STK33: variants seen among roughly 807,000 people sequenced by gnomAD.
STK33 encodes the protein serine/threonine kinase 33, also known as serine/threonine-protein kinase 33.
STK33 carries 52 observed loss-of-function variants against 58.0 expected under a neutral mutation model. The ratio of observed to expected loss-of-function variants is 0.90; its 90% confidence interval spans 0.72 to 1.13. STK33 has a LOEUF of 1.13. Among genes scored for constraint, STK33 ranks in the 50% most tolerant of loss-of-function variants. STK33 has a pLI of 0.00. For missense variants in STK33, 630 were observed against 604.2 expected, an observed-to-expected ratio of 1.04 and a Z score of -0.45; for synonymous variants, 215 against 200.1, an observed-to-expected ratio of 1.07 and a Z score of -0.63.
intron 1 of STK33, among the ~76,000 whole-genome samples, chr11:8,506,048 A>AT (rs1417807310): frequency 6.6e-6 from 1 of 152,196 alleles, no homozygotes; most frequent in Non-Finnish European, 1.5e-5. Flanking sequence ...ATACTGTATT[A>AT]TTATTTCTGG....
the STK33 span, among the ~76,000 whole-genome samples, chr11:8,357,822 A>G: frequency 6.6e-6 from 1 of 152,232 alleles, no homozygotes; most frequent in African/African-American, 2.4e-5. Context: ...GGGGAGCTCT[A>G]CATGGGGCCA....
chr11:8,428,268 C>T (rs1056007668), intron 14 of STK33, among the ~76,000 whole-genome samples: 11 of 152,216 alleles, frequency 7.2e-5, no homozygotes, highest in African/African-American at 2.7e-4. Flanking sequence ...CAGTGCTGCT[C>T]CGACTTTATT....
chr11:8,426,677 T>C (rs1942811752), intron 14 of STK33, among the ~76,000 whole-genome samples: 1 of 152,246 alleles, frequency 6.6e-6, no homozygotes, highest in Admixed American at 6.5e-5. Flanking sequence ...GTCGATCTTT[T>C]CTATTTTACC....
At chr11:8,459,523 C>A (rs1325044518) in intron 8 of STK33, among the ~76,000 whole-genome samples, 2 of 151,984 alleles carry the variant, frequency 1.3e-5, no homozygotes, top group African/African-American at 2.4e-5. Context: ...AAGAACTGGG[C>A]AAAATATATA....
At chr11:8,555,782 T>G (rs767888399) in intron 1 of STK33, among the ~76,000 whole-genome samples, 4 of 152,210 alleles carry the variant, frequency 2.6e-5, no homozygotes, top group Non-Finnish European at 5.9e-5. Context: ...CTCCATGCTG[T>G]GTGCATGTAT....
intron 1 of STK33, among the ~76,000 whole-genome samples, chr11:8,508,684 C>T (rs1377509532): frequency 1.3e-5 from 2 of 152,112 alleles, no homozygotes; most frequent in African/African-American, 2.4e-5. Context: ...CAAAGTTTGA[C>T]CAAACTGGTA....
the STK33 span, among the ~76,000 whole-genome samples, chr11:8,346,813 G>T: frequency 6.6e-6 from 1 of 152,174 alleles, no homozygotes; most frequent in Non-Finnish European, 1.5e-5. Flanking sequence ...AGCATTTTGG[G>T]GAACACGAGC....
intron 12 of STK33, among the ~76,000 whole-genome samples, chr11:8,439,273 C>T (rs1010581925): frequency 2.6e-5 from 4 of 151,970 alleles, no homozygotes; most frequent in African/African-American, 9.7e-5. Context: ...AGGTCTCTGT[C>T]CTCCATGGAA....
At chr11:8,540,268 G>A (rs1003834175) in intron 1 of STK33, among the ~76,000 whole-genome samples, 3 of 151,546 alleles carry the variant, frequency 2.0e-5, no homozygotes, top group Admixed American at 2.0e-4. Context: ...ATCGTTTGAG[G>A]CTAGAAGTTT....
intron 11 of STK33, among the ~76,000 whole-genome samples, chr11:8,448,480 A>G (rs182443280): frequency 6.6e-6 from 1 of 152,164 alleles, no homozygotes; most frequent in South Asian, 2.1e-4. Context: ...ATAATGCTGC[A>G]TATCTACAAC....
At chr11:8,458,762 C>T (rs1947175609) in intron 8 of STK33, among the ~76,000 whole-genome samples, 1 of 152,200 alleles carries the variant, frequency 6.6e-6, no homozygotes, top group South Asian at 2.1e-4. Flanking sequence ...TCTATTCAAA[C>T]ACAGGGTACC....
chr11:8,363,368 T>G, the STK33 span, among the ~76,000 whole-genome samples: 3 of 152,122 alleles, frequency 2.0e-5, no homozygotes, highest in African/African-American at 7.2e-5. Context: ...ATTTTTAAAA[T>G]AAATTTACAT....
chr11:8,454,280 A>C (rs1219165723), intron 10 of STK33, among the ~76,000 whole-genome samples: 1 of 152,230 alleles, frequency 6.6e-6, no homozygotes, highest in Non-Finnish European at 1.5e-5. Flanking sequence ...TAATTTGAAT[A>C]AAATCTTCAA....
At chr11:8,409,046 A>T (rs1048244636) in intron 15 of STK33, among the ~76,000 whole-genome samples, 1 of 152,234 alleles carries the variant, frequency 6.6e-6, no homozygotes, top group Non-Finnish European at 1.5e-5. Flanking sequence ...AACAGTTTAG[A>T]CAAAATTAGC....
chr11:8,485,741 T>G (rs1025681678), intron 1 of STK33, among the ~76,000 whole-genome samples: 1 of 152,174 alleles, frequency 6.6e-6, no homozygotes, highest in Non-Finnish European at 1.5e-5. Flanking sequence ...AAATGAACAG[T>G]AAACTCTACT....
rs55646106 is a variant in STK33 at position 8,442,030 on chromosome 11, T to TACACACAC, written c.872-1285_872-1278dup. Among the ~76,000 whole-genome samples the TACACACAC allele has an allele frequency of 8.3e-3, 1,184 of 143,396 alleles. 21 individuals are homozygous for TACACACAC. Among genetic ancestry groups the TACACACAC allele is most frequent in the African/African-American group, 0.028 (1,095 of 39,030 alleles). The allele number at this position is 143,396 out of a possible 152,430, so 94.1% of individuals were successfully genotyped here. ...TCTCCCACCTACACATACCTACACC[T>TACACACAC]ACACACACACACACACACACACACA... On this transcript the variant is annotated intron_variant, in intron 11 of 15. Coordinates refer to ENST00000687296, the MANE Select transcript of STK33 (RefSeq NM_001352389.2).
Position 8,483,735 on chromosome 11 carries a change from CAT to C in STK33, c.-465-3123_-465-3122del, listed in dbSNP as rs1465326655. ...CAATCAAAATCTACTGCCGAACGAA[CAT>C]ATTAAAATTTAGTGACAAATTCACT... is the stretch of plus-strand genomic sequence containing the variant. On this transcript the variant is annotated intron_variant, in intron 1 of 15. Transcript: ENST00000687296. 4.6e-5 allele frequency among the ~76,000 whole-genome samples: 7 copies of C among 152,272 alleles called. No individual in the cohort carries two copies. The East Asian group carries it at 1.2e-3, about 25-fold the overall frequency.
intron 14 of STK33, among the ~76,000 whole-genome samples, chr11:8,429,933 T>C (rs964856856): frequency 6.6e-6 from 1 of 152,168 alleles, no homozygotes; most frequent in Non-Finnish European, 1.5e-5. Flanking sequence ...AGATACTACA[T>C]TCGAGTTCTT....
chr11:8,489,454 T>C (rs1189025426), intron 1 of STK33, among the ~76,000 whole-genome samples: 1 of 152,196 alleles, frequency 6.6e-6, no homozygotes, highest in Non-Finnish European at 1.5e-5. Flanking sequence ...CTCATGGTTC[T>C]AGAGACTAGG....
Sources: allele counts gnomAD v4.1 joint callset (sites outside exome capture counted in the v4.1 genomes callset), GRCh38; gene constraint gnomAD v4.1.1; transcripts MANE v1.5; gene names NCBI Gene and HGNC (gene_info 2026-07-23, HGNC 2026-07-21).